Variants in CC2D2A observed in about 807,000 individuals in gnomAD.
CC2D2A encodes the protein coiled-coil and C2 domain containing 2A.
In CC2D2A, 155 loss-of-function variants were observed where a neutral mutation model predicts 212.9. The ratio of observed to expected loss-of-function variants is 0.73; its 90% CI spans 0.64 to 0.83. The LOEUF (loss-of-function observed/expected upper bound fraction) is 0.83, where lower values mean the gene tolerates loss of function less well. Among genes scored for constraint, CC2D2A ranks in the 40% least tolerant of loss-of-function variants. CC2D2A has a pLI of 0.00. For synonymous variants in CC2D2A, 667 were observed against 686.5 expected (o/e 0.97, Z 0.44); for missense variants, 1,856 against 1,956.2 (o/e 0.95, Z 0.97).
chr4:15,518,073 C>G (rs1403564722), intron 11 of CC2D2A, among the ~76,000 whole-genome samples: 1 of 152,150 alleles, frequency 6.6e-6, no homozygotes, highest in South Asian at 2.1e-4. Context: ...GGTAGGAACA[C>G]AGCCAAACCA....
intron 14 of CC2D2A, among the ~76,000 whole-genome samples, chr4:15,534,802 T>G (rs1408444508): frequency 6.6e-6 from 1 of 152,192 alleles, no homozygotes; most frequent in Non-Finnish European, 1.5e-5. Flanking sequence ...TAAGACTGTG[T>G]GATCTTTGAG....
At chr4:15,540,741 AGT>A in intron 16 of CC2D2A, 94 bp from the exon 17 acceptor site, 1 of 1,117,644 alleles carries the variant, frequency 8.9e-7, no homozygotes. Context: ...AGTTGCCTGC[AGT>A]GTGTCTTGTT....
intron 17 of CC2D2A, chr4:15,543,873 C>G (rs1718582519): frequency 6.6e-6 from 1 of 152,186 alleles, no homozygotes; most frequent in Admixed American, 6.5e-5. Context: ...ATTATTTGAG[C>G]CACTTAAACT....
At chr4:15,489,359 A>G (rs1214040209) in intron 4 of CC2D2A, among the ~76,000 whole-genome samples, 1 of 152,202 alleles carries the variant, frequency 6.6e-6, no homozygotes, top group Non-Finnish European at 1.5e-5. Context: ...AGTGCCCACC[A>G]GCTGGAGAAT....
At chr4:15,525,242 A>T (rs1454480399) in intron 11 of CC2D2A, among the ~76,000 whole-genome samples, 1 of 152,250 alleles carries the variant, frequency 6.6e-6, no homozygotes, top group Non-Finnish European at 1.5e-5. Flanking sequence ...CAAGAAGCGT[A>T]CAAGATGGAA....
chr4:15,481,194 C>T (rs1466808261), intron 4 of CC2D2A: 2 of 456,996 alleles, frequency 4.4e-6, no homozygotes, highest in East Asian at 6.9e-5. Context: ...TGTTCACTCA[C>T]AGGAGAGCTG....
intron 4 of CC2D2A, among the ~76,000 whole-genome samples, chr4:15,500,107 G>GTGTGTGTGTGTATA (rs1479141284): frequency 8.6e-4 from 97 of 112,938 alleles, no homozygotes; most frequent in East Asian, 1.2e-3. Context: ...GTGTGTGTGT[G>GTGTGTGTGTGTATA]TATATATATA....
chr4:15,557,381 A>C lies in CC2D2A; in HGVS notation c.2703A>C (p.Ser901=). 6.2e-7 allele frequency: 1 copy of C among 1,613,744 alleles called. No individual in the cohort carries two copies. Reference sequence around the variant, plus strand: ...TGCAACAGGAGTTTAACTTTGTTTCAGATCAAGAATTAAATAGATCCAAAC... The same window carrying C: ...TGCAACAGGAGTTTAACTTTGTTTCCGATCAAGAATTAAATAGATCCAAAC... ...EQLQQEFNFV[S]DQELNRSKRF... The change falls in exon 21 of 37, where the codon TCA becomes TCC. Residue 901 remains serine (S), a synonymous_variant. Transcript: ENST00000424120.
At chr4:15,564,335 G>A (rs1719778896) in intron 24 of CC2D2A, 1 of 152,374 alleles carries the variant, frequency 6.6e-6, no homozygotes, top group Non-Finnish European at 1.5e-5. Context: ...AAAGTGCTGG[G>A]ATTACTGGTG....
At chr4:15,584,512 A>T (rs546439616) in intron 30 of CC2D2A, among the ~76,000 whole-genome samples, 1 of 152,350 alleles carries the variant, frequency 6.6e-6, no homozygotes, top group South Asian at 2.1e-4. Flanking sequence ...TGAAAGGATT[A>T]ATGAATTAAA....
At chr4:15,576,255 G>A (rs1720399964) in intron 29 of CC2D2A, 1 of 258,914 alleles carries the variant, frequency 3.9e-6, no homozygotes, top group Admixed American at 6.5e-5. Flanking sequence ...AAGAGGCAGT[G>A]GCAGAAAACA....
At chr4:15,502,305 C>T in intron 4 of CC2D2A, 124 bp from the exon 5 acceptor site, 1 of 720,084 alleles carries the variant, frequency 1.4e-6, no homozygotes, top group Non-Finnish European at 2.3e-6. Context: ...AAATTATGTT[C>T]TCTTATTTCT....
At position 15,567,676 on chromosome 4, in the gene CC2D2A, GGTTTTA is replaced by G. The variant is rs1307456757; in HGVS notation, c.3291_3296del (p.Leu1098_Val1099del). 2.5e-6 allele frequency: 4 copies of G among 1,588,308 alleles called. No individual in the cohort carries two copies. In the African/African-American group the frequency reaches 5.5e-5, roughly 22 times the overall value. On this transcript the variant is annotated inframe_deletion and splice_region_variant, in exon 26 of 37. Coordinates refer to ENST00000424120, the MANE Select transcript of CC2D2A (RefSeq NM_001378615.1). ...ACTCAGAATTTGCTCTTGATTTTAA[GGTTTTA>G]GTACGTCCCTTTGTAGAAGTCTCTT...
At position 15,480,795 on chromosome 4, in the gene CC2D2A, T is replaced by A; in HGVS notation, c.215T>A (p.Leu72His). Residue 72 changes from leucine to histidine, a missense_variant, in exon 4 of 37, where the codon CTC becomes CAC. Around this residue, in one of 5 missense-constraint regions of CC2D2A, gnomAD observed 1,512 missense variants for 1,579.3 expected, o/e 0.96. Coordinates refer to ENST00000424120, the MANE Select transcript of CC2D2A (RefSeq NM_001378615.1). ...GTGCAGGAGGAGCCCAAGACCCGCC[T>A]CCTGAGTATGACAGTCCGGAGAGGC... ...EPVQEEPKTR[L>H]LSMTVRRGPR... 1 of 1,613,418 alleles carries A rather than the reference T, an allele frequency of 6.2e-7. No individual in the cohort carries two copies. Among genetic ancestry groups the A allele is most frequent in the Non-Finnish European group, 8.5e-7 (1 of 1,179,660 alleles).
intron 28 of CC2D2A, among the ~76,000 whole-genome samples, chr4:15,572,022 G>C (rs1218563444): frequency 6.6e-6 from 1 of 152,118 alleles, no homozygotes; most frequent in Non-Finnish European, 1.5e-5. Flanking sequence ...TCCTTGAACT[G>C]TGCCATAATC....
chr4:15,510,319 G>T (rs1220558411), intron 7 of CC2D2A, 79 bp downstream of exon 7: 1 of 1,277,816 alleles, frequency 7.8e-7, no homozygotes, highest in Non-Finnish European at 1.1e-6. Flanking sequence ...CTACAGGCCG[G>T]GTGTGGTGGC....
At chr4:15,578,812 G>T (rs34265499) in intron 29 of CC2D2A, among the ~76,000 whole-genome samples, 23,021 of 129,196 alleles carry the variant, frequency 0.18, 1,998 homozygotes, top group East Asian at 0.38. Flanking sequence ...TTGTTTGTTT[G>T]TTTGTTTTTA....
intron 4 of CC2D2A, among the ~76,000 whole-genome samples, chr4:15,491,185 T>G (rs1715287000): frequency 1.3e-5 from 2 of 152,210 alleles, no homozygotes; most frequent in South Asian, 4.1e-4. Flanking sequence ...CTTTTCAAAG[T>G]GGCTGCATCA....
Position 15,512,283 on chromosome 4 carries a change from T to C in CC2D2A, c.717+860T>C, listed in dbSNP as rs376082251. Among the ~76,000 whole-genome samples the C allele has an allele frequency of 5.3e-5, 8 of 152,318 alleles. No homozygotes were observed. The East Asian group carries it at 9.6e-4, about 18-fold the overall frequency. ...GCACCGATGTTCATAGCAGCATTAT[T>C]CACAAAAGCCAAAAGGTAGAAGCAA... On this transcript the variant is annotated intron_variant, in intron 8 of 36. Transcript: ENST00000424120.
Sources: allele counts gnomAD v4.1 joint callset (sites outside exome capture counted in the v4.1 genomes callset), GRCh38; gene constraint gnomAD v4.1.1; regional missense constraint gnomAD v4.1.1; transcripts MANE v1.5; gene names NCBI Gene and HGNC (gene_info 2026-07-23, HGNC 2026-07-21).